Variants in RNF150 observed in about 807,000 individuals in gnomAD.
The protein encoded by RNF150 is ring finger protein 150.
Under a neutral mutation model 39.3 loss-of-function variants are expected in RNF150, and 24 were observed. The observed-to-expected ratio is 0.61, with a 90% CI of 0.44 to 0.86. The LOEUF is 0.86. Ranked by LOEUF, RNF150 falls within the 40% of genes least tolerant of loss-of-function variation. The pLI is 0.00. For missense variants in RNF150, 502 were observed against 587.8 expected (o/e 0.85, Z 1.51); for synonymous variants, 255 against 227.3 (o/e 1.12, Z -1.10).
intron 6 of RNF150, among the ~76,000 whole-genome samples, chr4:140,878,659 C>T (rs578089962): frequency 6.6e-6 from 1 of 152,134 alleles, no homozygotes; most frequent in Non-Finnish European, 1.5e-5. Flanking sequence ...GATATTAACA[C>T]CTTATCAAAT....
At chr4:141,014,040 A>G (rs1735170624) in intron 1 of RNF150, among the ~76,000 whole-genome samples, 1 of 151,790 alleles carries the variant, frequency 6.6e-6, no homozygotes, top group African/African-American at 2.4e-5. Flanking sequence ...CTCTCTTCCT[A>G]TGAGTTCAAC....
chr4:141,030,828 C>T lies in RNF150; in HGVS notation c.485-62955G>A, dbSNP rs189380900. Among the ~76,000 whole-genome samples the T allele has an allele frequency of 3.1e-4, 47 of 152,056 alleles. No homozygotes were observed. The East Asian group carries it at 3.1e-3, about 10-fold the overall frequency. On this transcript the variant is annotated intron_variant, in intron 1 of 6. Coordinates refer to ENST00000515673, the MANE Select transcript of RNF150 (RefSeq NM_020724.2). Reference sequence around the variant, plus strand: ...GGGGAGAGGAGCAAATGGAGAATTGCTTAACGGATATAGAGTTTCTGTTTT... The same window carrying T: ...GGGGAGAGGAGCAAATGGAGAATTGTTTAACGGATATAGAGTTTCTGTTTT...
chr4:140,971,433 C>T (rs995939254), intron 1 of RNF150, among the ~76,000 whole-genome samples: 2 of 152,046 alleles, frequency 1.3e-5, no homozygotes, highest in African/African-American at 4.8e-5. Flanking sequence ...CAAGGAGGTC[C>T]GGCTATTTGG....
intron 1 of RNF150, among the ~76,000 whole-genome samples, chr4:140,993,899 G>A (rs1398337273): frequency 1.3e-5 from 2 of 152,120 alleles, no homozygotes; most frequent in African/African-American, 2.4e-5. Context: ...CCTACTCATC[G>A]GAAAACACTG....
intron 6 of RNF150, among the ~76,000 whole-genome samples, chr4:140,871,580 C>G (rs539528030): frequency 6.6e-6 from 1 of 152,174 alleles, no homozygotes; most frequent in South Asian, 2.1e-4. Flanking sequence ...CACAATTAAA[C>G]TGGAAGTCAA....
intron 6 of RNF150, among the ~76,000 whole-genome samples, chr4:140,894,926 C>G (rs1308213702): frequency 1.3e-5 from 2 of 152,174 alleles, no homozygotes; most frequent in Non-Finnish European, 2.9e-5. Context: ...TGGGGCTGAG[C>G]TGCCTGAGTC....
At chr4:141,116,677 A>C (rs1739558653) in intron 1 of RNF150, among the ~76,000 whole-genome samples, 1 of 152,238 alleles carries the variant, frequency 6.6e-6, no homozygotes, top group Non-Finnish European at 1.5e-5. Context: ...TTCACTATAA[A>C]GACACATGCA....
chr4:141,132,919 T>G lies in RNF150; in HGVS notation c.-111A>C. 1 of 868,746 alleles carries G rather than the reference T, an allele frequency of 1.2e-6. No individual in the cohort carries two copies. The highest frequency in any genetic ancestry group is 1.7e-6 in the Non-Finnish European group (1 of 584,086). 53.8% of individuals were successfully genotyped at this position (868,746 alleles called of 1,614,324 possible). ...TGCCTCTCCTCCTGCTGCTGCTCACTCCCGGGCCGGAGGGGCCGCGGCCGG... is the reference window on the plus strand; with the variant it reads ...TGCCTCTCCTCCTGCTGCTGCTCACGCCCGGGCCGGAGGGGCCGCGGCCGG... On this transcript the variant is annotated 5_prime_UTR_variant, in exon 1 of 7. Transcript: ENST00000515673. The surrounding 1 kb of genome is among the most constrained non-coding windows in gnomAD (Gnocchi z 4.9).
intron 1 of RNF150, among the ~76,000 whole-genome samples, chr4:141,057,249 A>T (rs1426716686): frequency 6.6e-6 from 1 of 151,924 alleles, no homozygotes. Flanking sequence ...CTTATTTTTT[A>T]AAATTATATT....
intron 6 of RNF150, among the ~76,000 whole-genome samples, chr4:140,876,943 C>T (rs758758648): frequency 6.6e-5 from 10 of 152,196 alleles, no homozygotes; most frequent in Non-Finnish European, 8.8e-5. Context: ...ATACATCTTG[C>T]GGTCAAATTA....
intron 1 of RNF150, among the ~76,000 whole-genome samples, chr4:140,985,462 A>G (rs1414752653): frequency 6.6e-6 from 1 of 152,166 alleles, no homozygotes; most frequent in African/African-American, 2.4e-5. Context: ...GAGAGCATTC[A>G]CTGAGATATT....
At chr4:141,073,808 T>G (rs910869372) in intron 1 of RNF150, among the ~76,000 whole-genome samples, 3 of 151,990 alleles carry the variant, frequency 2.0e-5, no homozygotes, top group Admixed American at 1.3e-4. Context: ...GACAGAAAAT[T>G]AAGTCTTACC....
chr4:141,034,366 A>T (rs1456387386), intron 1 of RNF150, among the ~76,000 whole-genome samples: 4 of 152,174 alleles, frequency 2.6e-5, no homozygotes, highest in Admixed American at 2.6e-4. Flanking sequence ...GCTTTGGCTT[A>T]AGGGAATGTT....
chr4:141,197,955 T>C (rs1193267850), intron 1 of RNF150, among the ~76,000 whole-genome samples: 3 of 151,998 alleles, frequency 2.0e-5, no homozygotes, highest in Middle Eastern at 3.4e-3. Flanking sequence ...CTTAGTTAAA[T>C]ATTTATTTTA....
At chr4:141,124,433 G>C (rs1331543496) in intron 1 of RNF150, among the ~76,000 whole-genome samples, 1 of 152,216 alleles carries the variant, frequency 6.6e-6, no homozygotes, top group Non-Finnish European at 1.5e-5. Flanking sequence ...GAACTGAAGA[G>C]GCAGCCAGCT....
chr4:140,983,709 G>A (rs185963682), intron 1 of RNF150, among the ~76,000 whole-genome samples: 2 of 150,888 alleles, frequency 1.3e-5, no homozygotes, highest in Non-Finnish European at 3.0e-5. Context: ...CTTTGGAGAT[G>A]GTGAATAACT....
At chr4:140,936,030 T>C (rs542667181) in intron 4 of RNF150, among the ~76,000 whole-genome samples, 1 of 152,374 alleles carries the variant, frequency 6.6e-6, no homozygotes, top group Admixed American at 6.5e-5. Context: ...AATGGAATCA[T>C]AAAGTATGTA....
intron 6 of RNF150, among the ~76,000 whole-genome samples, chr4:140,882,571 TC>T (rs1378489505): frequency 2.6e-5 from 4 of 152,184 alleles, no homozygotes; most frequent in African/African-American, 9.7e-5. Context: ...CCCTTTAAAT[TC>T]TGTACATGTT....
chr4:141,139,431 C>T (rs979875413), intron 1 of RNF150, among the ~76,000 whole-genome samples: 7 of 152,154 alleles, frequency 4.6e-5, no homozygotes, highest in Non-Finnish European at 8.8e-5. Context: ...AGTAATTCCA[C>T]ATAGAAATGA....
Sources: gnomAD v4.1 joint callset for allele counts (sites outside exome capture counted in the v4.1 genomes callset) on GRCh38, gnomAD v4.1.1 for gene constraint, Gnocchi (gnomAD v3.1) non-coding constraint, MANE v1.5 for transcripts, NCBI Gene and HGNC (gene_info 2026-07-23, HGNC 2026-07-21) for gene names.